KCNT2: variants seen among roughly 807,000 people sequenced by gnomAD.
KCNT2 encodes potassium sodium-activated channel subfamily T member 2, also known as potassium channel subfamily T member 2.
A neutral mutation model predicts 153.8 loss-of-function variants in KCNT2; 67 were observed. The observed-to-expected ratio is 0.44, with a 90% CI of 0.36 to 0.53. The LOEUF is 0.53. KCNT2 is among the 20% of genes least tolerant of loss of function. KCNT2 has a pLI of 0.00. For missense variants in KCNT2, 975 were observed against 1,354.8 expected (o/e 0.72, Z 4.40); for synonymous variants, 500 against 458.8 (o/e 1.09, Z -1.15).
intron 1 of KCNT2, among the ~76,000 whole-genome samples, chr1:196,585,209 T>A (rs1325923013): frequency 6.6e-6 from 1 of 151,992 alleles, no homozygotes; most frequent in South Asian, 2.1e-4. Context: ...GAAAGCTCAG[T>A]AGTGAGGAAG....
At chr1:196,296,969 T>C (rs1158234804) in intron 22 of KCNT2, among the ~76,000 whole-genome samples, 2 of 152,104 alleles carry the variant, frequency 1.3e-5, no homozygotes, top group Non-Finnish European at 2.9e-5. Context: ...CCTTGTCTAA[T>C]GTGATATTCA....
At chr1:196,313,787 C>T (rs1425715914) in intron 21 of KCNT2, among the ~76,000 whole-genome samples, 1 of 151,498 alleles carries the variant, frequency 6.6e-6, no homozygotes, top group Admixed American at 6.6e-5. Flanking sequence ...AATTTCTTTG[C>T]AATTTGGGTT....
At chr1:196,504,523 T>G (rs1274545727) in intron 1 of KCNT2, among the ~76,000 whole-genome samples, 7 of 152,128 alleles carry the variant, frequency 4.6e-5, no homozygotes, top group Non-Finnish European at 7.4e-5. Flanking sequence ...TTTGCTATTG[T>G]GAATAGTGCT....
intron 8 of KCNT2, among the ~76,000 whole-genome samples, chr1:196,458,229 C>T (rs143554620): frequency 4.0e-5 from 6 of 151,398 alleles, no homozygotes; most frequent in South Asian, 2.1e-4. Flanking sequence ...AATTATATTA[C>T]GTAAGAATAT....
At position 196,587,145 on chromosome 1, in the gene KCNT2, A is replaced by AT. The variant is rs1662785261; in HGVS notation, c.95+21069dup. Among the ~76,000 whole-genome samples the AT allele has an allele frequency of 2.0e-5, 3 of 152,056 alleles. 1 individual carries two copies. Among genetic ancestry groups the AT allele is most frequent in the South Asian group, 4.1e-4 (2 of 4,832 alleles). On this transcript the variant is annotated intron_variant, in intron 1 of 27. Transcript: ENST00000294725. ...ATACACTTAATGTGTTTTCAAAAAT[A>AT]TTTTTTCCAAATCCTAAAAAATCGA... is the stretch of plus-strand genomic sequence containing the variant.
chr1:196,304,589 A>G (rs1035590827), intron 22 of KCNT2, among the ~76,000 whole-genome samples: 2 of 152,062 alleles, frequency 1.3e-5, no homozygotes, highest in African/African-American at 4.8e-5. Context: ...GTACACTACT[A>G]TTTAGTAGTA....
chr1:196,284,801 A>C (rs1659506566), intron 23 of KCNT2, among the ~76,000 whole-genome samples: 1 of 152,214 alleles, frequency 6.6e-6, no homozygotes, highest in Admixed American at 6.5e-5. Context: ...AATCATGGGC[A>C]AAATTAGCCC....
chr1:196,432,592 C>T (rs941126611), intron 8 of KCNT2, among the ~76,000 whole-genome samples: 4 of 152,112 alleles, frequency 2.6e-5, no homozygotes, highest in African/African-American at 9.7e-5. Context: ...GGATTTCCAA[C>T]TTAATTGGGA....
rs1163915246 is a variant in KCNT2 at position 196,258,438 on chromosome 1, T to G, written c.2967A>C (p.Gln989His). Reference protein sequence around the residue: ...EWEDTKDSKEQGHHRSNHRNS... With the variant: ...EWEDTKDSKEHGHHRSNHRNS... ...TGCGGTGGTTGCTGCGGTGGTGCCC[T>G]TGTTCTTTGGAGTCTTTGGTGTCTT... is the stretch of plus-strand genomic sequence containing the variant. The change falls in exon 26 of 28, where the codon CAA becomes CAC. Residue 989 changes from glutamine to histidine, a missense_variant. This residue lies in a region of KCNT2 where 241 missense variants were observed against 271.1 expected (regional missense o/e 0.89). Transcript: ENST00000294725. 1 of 1,613,846 alleles carries G rather than the reference T, an allele frequency of 6.2e-7. No homozygotes were observed. The highest frequency in any genetic ancestry group is 8.5e-7 in the Non-Finnish European group (1 of 1,179,954).
At chr1:196,395,376 T>G (rs1243267380) in intron 13 of KCNT2, among the ~76,000 whole-genome samples, 6 of 151,610 alleles carry the variant, frequency 4.0e-5, no homozygotes, top group Non-Finnish European at 8.9e-5. Flanking sequence ...TGTAAAACAT[T>G]ATGGGAGAGC....
chr1:196,447,666 G>A (rs1353591668), intron 8 of KCNT2, among the ~76,000 whole-genome samples: 2 of 151,630 alleles, frequency 1.3e-5, no homozygotes, highest in African/African-American at 4.8e-5. Context: ...AATACTCAGT[G>A]TGAAGAAAGG....
chr1:196,372,800 T>C (rs1245902037), intron 14 of KCNT2, among the ~76,000 whole-genome samples: 1 of 151,954 alleles, frequency 6.6e-6, no homozygotes, highest in Non-Finnish European at 1.5e-5. Flanking sequence ...AATCCTTTAA[T>C]TAAATGTTTC....
rs980877303 is a variant in KCNT2 at position 196,273,311 on chromosome 1, T to A, written c.2910+7549A>T. ...ACTGGGGAAATATAAGTACATTAAT[T>A]TGAAAAGAAAACATTTATATGCATT... On this transcript the variant is annotated intron_variant, in intron 25 of 27. Coordinates refer to ENST00000294725, the MANE Select transcript of KCNT2 (RefSeq NM_198503.5). Among the ~76,000 whole-genome samples the A allele has an allele frequency of 8.6e-5, 13 of 151,944 alleles. 1 individual carries two copies. Among genetic ancestry groups the A allele is most frequent in the Admixed American group, 5.3e-4 (8 of 15,224 alleles).
At chr1:196,285,612 C>T (rs765744161) in intron 23 of KCNT2, 45 bp downstream of exon 23, 1 of 1,230,656 alleles carries the variant, frequency 8.1e-7, no homozygotes, top group East Asian at 2.4e-5. Context: ...AAATCTAAAA[C>T]AGAAAACAAC....
intron 8 of KCNT2, among the ~76,000 whole-genome samples, chr1:196,439,136 A>G (rs1157865392): frequency 1.3e-5 from 2 of 151,942 alleles, no homozygotes; most frequent in Non-Finnish European, 2.9e-5. Context: ...ACTAATTCAC[A>G]TAGTAATTTC....
intron 1 of KCNT2, among the ~76,000 whole-genome samples, chr1:196,533,026 T>C (rs1180131588): frequency 6.6e-6 from 1 of 151,960 alleles, no homozygotes; most frequent in Non-Finnish European, 1.5e-5. Context: ...CATGCAGAGA[T>C]CTCTATCTGG....
intron 1 of KCNT2, among the ~76,000 whole-genome samples, chr1:196,543,619 T>G (rs955806446): frequency 6.6e-6 from 1 of 152,182 alleles, no homozygotes; most frequent in South Asian, 2.1e-4. Flanking sequence ...AAAATGGATG[T>G]CCACGATAAT....
intron 1 of KCNT2, among the ~76,000 whole-genome samples, chr1:196,571,525 G>A (rs1660773520): frequency 6.6e-6 from 1 of 152,218 alleles, no homozygotes; most frequent in Middle Eastern, 3.4e-3. Flanking sequence ...GTCAATACAA[G>A]TCAAAATTGT....
At chr1:196,580,118 A>G (rs141488948) in intron 1 of KCNT2, among the ~76,000 whole-genome samples, 193 of 152,304 alleles carry the variant, frequency 1.3e-3, no homozygotes, top group Non-Finnish European at 1.9e-3. Flanking sequence ...TGCTTCACCA[A>G]TACAAAAGAA....
Sources: allele counts gnomAD v4.1 joint callset (sites outside exome capture counted in the v4.1 genomes callset), GRCh38; gene constraint gnomAD v4.1.1; regional missense constraint gnomAD v4.1.1; transcripts MANE v1.5; gene names NCBI Gene and HGNC (gene_info 2026-07-23, HGNC 2026-07-21).